TLR10: variants seen among roughly 807,000 people sequenced by gnomAD.
TLR10 encodes toll-like receptor 10.
For missense variants in TLR10, 929 were observed against 932.9 expected (o/e 1.00, Z 0.05); for synonymous variants, 288 against 338.8 (o/e 0.85, Z 1.65).
At chr4:38,776,656 T>A (rs1231852252) in intron 1 of TLR10, among the ~76,000 whole-genome samples, 1 of 152,082 alleles carries the variant, frequency 6.6e-6, no homozygotes, top group African/African-American at 2.4e-5. Context: ...GTAGTTGGAG[T>A]ACTAAGATTT....
Position 38,773,707 on chromosome 4 carries a change from G to T in TLR10, c.1884C>A (p.Leu628=), listed in dbSNP as rs1212854218. 6.2e-7 allele frequency: 1 copy of T among 1,613,868 alleles called. No homozygotes were observed. Among genetic ancestry groups the T allele is most frequent in the Admixed American group, 1.7e-5 (1 of 59,954 alleles). The change falls in exon 4 of 4, where the codon CTC becomes CTA. Residue 628 remains leucine, a synonymous_variant. Coordinates refer to ENST00000308973, the MANE Select transcript of TLR10 (RefSeq NM_030956.4). The part of the protein sequence containing the change: ...HRVRKTTQEQ[L]KRNVRFHAFI... Reference sequence around the variant, plus strand: ...ATGCGTGGAATCGGACATTTCTCTTGAGTTGTTCTTGGGTTGTTTTCCTAA... The same window carrying T: ...ATGCGTGGAATCGGACATTTCTCTTTAGTTGTTCTTGGGTTGTTTTCCTAA...
chr4:38,774,016 C>T lies in TLR10; in HGVS notation c.1575G>A (p.Arg525=), dbSNP rs1290378570. The T allele has an allele frequency of 6.2e-7, 1 of 1,605,546 alleles. No homozygotes were observed. ...TGAAATTTTTTAATTCACAGGTACACCGGAATGGATTTCTTCCCGCATTTA... is the reference window on the plus strand; with the variant it reads ...TGAAATTTTTTAATTCACAGGTACATCGGAATGGATTTCTTCCCGCATTTA... ...KTLNAGRNPF[R]CTCELKNFIQ... The change falls in exon 4 of 4, where the codon CGG becomes CGA. Residue 525 remains arginine (R), a synonymous_variant. Transcript: ENST00000308973.
At chr4:38,777,171 G>A (rs1307166183) in intron 1 of TLR10, among the ~76,000 whole-genome samples, 1 of 152,192 alleles carries the variant, frequency 6.6e-6, no homozygotes. Flanking sequence ...AACAGAGAGA[G>A]ACTGGGGAGT....
At chr4:38,781,338 C>CTTT (rs34846566) in intron 1 of TLR10, among the ~76,000 whole-genome samples, 1 of 144,840 alleles carries the variant, frequency 6.9e-6, no homozygotes, top group East Asian at 2.0e-4. Flanking sequence ...AGGACATACA[C>CTTT]TTTTTTTTTT....
rs769238666 is a variant in TLR10 at position 38,773,197 on chromosome 4, A to C, written c.2394T>G (p.Ser798=). The change falls in exon 4 of 4, where the codon TCT becomes TCG. Residue 798 remains serine, a synonymous_variant. Coordinates refer to ENST00000308973, the MANE Select transcript of TLR10 (RefSeq NM_030956.4). ...TCATCAGAGAGATTGTAGAACCTCG[A>C]GACTCTTCATTTAACTCTGTGAATG... The part of the protein sequence containing the change: ...LQTFTELNEE[S]RGSTISLMRT... 1 of 1,557,998 alleles carries C rather than the reference A, an allele frequency of 6.4e-7. No homozygotes were observed. The highest frequency in any genetic ancestry group is 2.0e-5 in the Admixed American group (1 of 49,610).
chr4:38,780,653 C>A (rs777642368), intron 1 of TLR10, among the ~76,000 whole-genome samples: 4 of 152,022 alleles, frequency 2.6e-5, no homozygotes, highest in Non-Finnish European at 5.9e-5. Flanking sequence ...TCGGGTGAAG[C>A]AAGGAAGGCA....
At position 38,774,648 on chromosome 4, in the gene TLR10, G is replaced by T; in HGVS notation, c.943C>A (p.Gln315Lys). ...AAAAGCAAATAGATTTTATCCTGTT[G>T]AATGTAAAACACTCTGAAATGTACA... ...EHVHFRVFYI[Q>K]QDKIYLLLTK... The change falls in exon 4 of 4, where the codon CAA becomes AAA. Residue 315 changes from glutamine to lysine, a missense_variant. By Grantham distance (53) the Gln-to-Lys change is moderately conservative. Transcript: ENST00000308973. 6.4e-7 allele frequency: 1 copy of T among 1,569,830 alleles called. No homozygotes were observed. Among genetic ancestry groups the T allele is most frequent in the Non-Finnish European group, 8.6e-7 (1 of 1,163,436 alleles).
rs1317821557 is a variant in TLR10, at chr4:38,772,273, TATAAA to T, written c.*877_*881del. ...AAACTATCTTTATTTTTTTTCTACT[TATAAA>T]AGAAATACAGATTCATTCTAAACAA... On this transcript the variant is annotated 3_prime_UTR_variant, in exon 4 of 4. Coordinates refer to ENST00000308973, the MANE Select transcript of TLR10 (RefSeq NM_030956.4). 3.9e-5 allele frequency: 6 copies of T among 152,200 alleles called. No homozygotes were observed. Among genetic ancestry groups the T allele is most frequent in the African/African-American group, 1.4e-4 (6 of 41,444 alleles). 9.4% of individuals were successfully genotyped at this position (152,200 alleles called of 1,614,324 possible).
At chr4:38,779,441 T>C (rs889011453) in intron 1 of TLR10, among the ~76,000 whole-genome samples, 3 of 152,200 alleles carry the variant, frequency 2.0e-5, no homozygotes, top group Admixed American at 2.0e-4. Context: ...GAGTGTAATG[T>C]ATACTAAAAT....
At chr4:38,778,215 C>G (rs1299921691) in intron 1 of TLR10, among the ~76,000 whole-genome samples, 1 of 152,088 alleles carries the variant, frequency 6.6e-6, no homozygotes, top group Non-Finnish European at 1.5e-5. Context: ...AACCAAACAC[C>G]ACATGTTCTC....
In TLR10 at chr4:38,775,096, C is replaced by T; in HGVS notation, c.495G>A (p.Leu165=). 2 of 1,613,054 alleles carry T rather than the reference C, an allele frequency of 1.2e-6. No individual in the cohort carries two copies. Among genetic ancestry groups the T allele is most frequent in the Non-Finnish European group, 8.5e-7 (1 of 1,180,008 alleles). The part of the protein sequence containing the change: ...QKSDFQKIAH[L]HLNTVFLGFR... ...ATCCTAAGAAGACAGTATTTAGATG[C>T]AGATGAGCAATTTTCTGGAAATCTG... is the stretch of plus-strand genomic sequence containing the variant. The change falls in exon 4 of 4, where the codon CTG becomes CTA. Residue 165 remains leucine (L), a synonymous_variant. Coordinates refer to ENST00000308973, the MANE Select transcript of TLR10 (RefSeq NM_030956.4).
chr4:38,774,735 A>G lies in TLR10; in HGVS notation c.856T>C (p.Tyr286His). 1 of 1,596,480 alleles carries G rather than the reference A, an allele frequency of 6.3e-7. No individual in the cohort carries two copies. The highest frequency in any genetic ancestry group is 1.1e-5 in the South Asian group (1 of 87,322). Residue 286 changes from tyrosine (Y) to histidine (H), a missense_variant, in exon 4 of 4, where the codon TAT (tyrosine) becomes CAT (histidine). Tyr to His is a moderately conservative substitution (Grantham distance 83). Coordinates refer to ENST00000308973, the MANE Select transcript of TLR10 (RefSeq NM_030956.4). ...TAGTCAAATGAATTGTGGTCAAGAT[A>G]AGCCTTACCACCAAAAGTCACATTT... is the stretch of plus-strand genomic sequence containing the variant. ...IRNVTFGGKA[Y>H]LDHNSFDYSN...
At chr4:38,775,718 CA>C (rs1194779861) in intron 3 of TLR10, 56 bp downstream of exon 3, 172 of 992,584 alleles carry the variant, frequency 1.7e-4, no homozygotes, top group East Asian at 2.2e-4. Flanking sequence ...TTTTTATTTG[CA>C]AAAAAAATGC....
rs11466650 is a variant in TLR10 at position 38,775,091 on chromosome 4, A to G, written c.500T>C (p.Leu167Pro). The G allele has an allele frequency of 4.4e-4, 717 of 1,613,088 alleles. 3 individuals are homozygous for G. Among genetic ancestry groups the G allele is most frequent in the Middle Eastern group, 1.5e-3 (9 of 6,062 alleles). Residue 167 changes from leucine (L) to proline (P), a missense_variant, in exon 4 of 4, where the codon CTA becomes CCA. Coordinates refer to ENST00000308973, the MANE Select transcript of TLR10 (RefSeq NM_030956.4). ...TCTGAATCCTAAGAAGACAGTATTTAGATGCAGATGAGCAATTTTCTGGAA... is the reference window on the plus strand; with the variant it reads ...TCTGAATCCTAAGAAGACAGTATTTGGATGCAGATGAGCAATTTTCTGGAA... The part of the protein sequence containing the change: ...SDFQKIAHLH[L>P]NTVFLGFRTL...
intron 3 of TLR10, 49 bp downstream of exon 3, chr4:38,775,726 A>G: frequency 1.1e-6 from 1 of 903,962 alleles, no homozygotes. Flanking sequence ...TGCAAAAAAA[A>G]TGCCAACATC....
intron 1 of TLR10, among the ~76,000 whole-genome samples, chr4:38,777,608 A>G (rs1182460305): frequency 1.3e-5 from 2 of 152,196 alleles, no homozygotes. Flanking sequence ...ATTTACAAGA[A>G]AAAAACAACC....
rs750464610 is a variant in TLR10, at chr4:38,773,729, C to T, written c.1862G>A (p.Arg621Lys). 2 of 1,613,732 alleles carry T rather than the reference C, an allele frequency of 1.2e-6. No individual in the cohort carries two copies. Among genetic ancestry groups the T allele is most frequent in the Non-Finnish European group, 1.7e-6 (2 of 1,179,944 alleles). Reference sequence around the variant, plus strand: ...CTTGAGTTGTTCTTGGGTTGTTTTCCTAACCCTGTGCCATGTTTGTGTGCA... The same window carrying T: ...CTTGAGTTGTTCTTGGGTTGTTTTCTTAACCCTGTGCCATGTTTGTGTGCA... ...GQCTQTWHRV[R>K]KTTQEQLKRN... The change falls in exon 4 of 4, where the codon AGG becomes AAG. Residue 621 changes from arginine (R) to lysine (K), a missense_variant. Coordinates refer to ENST00000308973, the MANE Select transcript of TLR10 (RefSeq NM_030956.4).
Position 38,775,417 on chromosome 4 carries a change from G to T in TLR10, c.174C>A (p.Asn58Lys). ...PATTTLDLSYNLLFQLQSSDF... is the reference protein window; with the variant it reads ...PATTTLDLSYKLLFQLQSSDF... ...CTGAACTCTGGAGTTGAAAAAGGAG[G>T]TTATAGGATAAATCCAGTGTCGTTG... is the stretch of plus-strand genomic sequence containing the variant. The change falls in exon 4 of 4, where the codon AAC becomes AAA. Residue 58 changes from asparagine to lysine, a missense_variant. Asn to Lys is a moderately conservative substitution (Grantham distance 94). Transcript: ENST00000308973. 2 of 1,614,130 alleles carry T rather than the reference G, an allele frequency of 1.2e-6. No homozygotes were observed. Among genetic ancestry groups the T allele is most frequent in the East Asian group, 2.2e-5 (1 of 44,886 alleles).
At chr4:38,780,798 T>TA (rs1725361286) in intron 1 of TLR10, among the ~76,000 whole-genome samples, 2 of 152,256 alleles carry the variant, frequency 1.3e-5, no homozygotes, top group Non-Finnish European at 2.9e-5. Flanking sequence ...GGATCAGTAT[T>TA]GCTGATTGTT....
Sources: gnomAD v4.1 joint callset for allele counts (sites outside exome capture counted in the v4.1 genomes callset) on GRCh38, gnomAD v4.1.1 for gene constraint, MANE v1.5 for transcripts, NCBI Gene and HGNC (gene_info 2026-07-23, HGNC 2026-07-21) for gene names.